The following MALT1 variants were observed in gnomAD, a reference collection of about 807,000 sequenced individuals.
MALT1 encodes mucosa-associated lymphoid tissue lymphoma translocation protein 1.
MALT1 carries 36 observed loss-of-function variants against 85.5 expected under a neutral mutation model. That is an observed-to-expected ratio of 0.42 (90% CI 0.32 to 0.56). The LOEUF is 0.56. Among genes scored for constraint, MALT1 ranks in the 20% least tolerant of loss-of-function variants. The pLI, the probability that MALT1 is intolerant of heterozygous loss-of-function variation, is 0.10. For missense variants in MALT1, 716 were observed against 981.6 expected, an observed-to-expected ratio of 0.73 and a Z score of 3.62; for synonymous variants, 359 against 361.3, an observed-to-expected ratio of 0.99 and a Z score of 0.07.
chr18:58,726,846 G>A (rs1400638277), intron 10 of MALT1, among the ~76,000 whole-genome samples: 2 of 152,268 alleles, frequency 1.3e-5, no homozygotes, highest in South Asian at 2.1e-4. Flanking sequence ...GAGTCTTGTC[G>A]GAATATGGCA....
chr18:58,683,159 T>C (rs2054347669), intron 2 of MALT1, among the ~76,000 whole-genome samples: 1 of 152,218 alleles, frequency 6.6e-6, no homozygotes, highest in Non-Finnish European at 1.5e-5. Context: ...CTAGGTTTCA[T>C]ACTGTTAAAG....
chr18:58,701,832 T>A (rs921209308), intron 4 of MALT1, among the ~76,000 whole-genome samples: 1 of 152,214 alleles, frequency 6.6e-6, no homozygotes, highest in African/African-American at 2.4e-5. Flanking sequence ...CTAACTGAAC[T>A]CCTGAAGGGA....
At chr18:58,690,172 C>T (rs753110486) in intron 2 of MALT1, among the ~76,000 whole-genome samples, 8 of 152,172 alleles carry the variant, frequency 5.3e-5, no homozygotes, top group Non-Finnish European at 1.2e-4. Flanking sequence ...TGTGTCACAC[C>T]TTGGTAACTC....
chr18:58,750,134 C>G lies in MALT1; in HGVS notation c.*2292C>G, dbSNP rs2055427325. The G allele has an allele frequency of 3.3e-5, 6 of 182,018 alleles. No individual in the cohort carries two copies. In the East Asian group the frequency reaches 5.4e-4, roughly 16 times the overall value. The allele number at this position is 182,018 out of a possible 1,614,324, so 11.3% of individuals were successfully genotyped here. A position where few individuals can be genotyped will look rare whatever the true frequency, so the allele number is the denominator to read the frequency against. On this transcript the variant is annotated 3_prime_UTR_variant, in exon 17 of 17. Transcript: ENST00000649217. ...CATAAAAAGTAATAAATGAGTTCAA[C>G]AGGTTGCAGGATACAAGATCAGTTT...
In MALT1 at chr18:58,714,096, T is replaced by C. The variant is rs752045382; in HGVS notation, c.972T>C (p.Asn324=). The change falls in exon 8 of 17, where the codon AAT becomes AAC. Residue 324 remains asparagine, a synonymous_variant. Coordinates refer to ENST00000649217, the MANE Select transcript of MALT1 (RefSeq NM_006785.4). ...AVECTEDELN[N]LGHPDNKEQT... ...ACTTTGTTTTAGATGAATTAAATAA[T>C]CTTGGTCATCCTGGTGAGTAATACA... 1.6e-6 allele frequency: 2 copies of C among 1,271,722 alleles called. No homozygotes were observed. Among genetic ancestry groups the C allele is most frequent in the East Asian group, 4.8e-5 (2 of 41,564 alleles). 78.8% of individuals were successfully genotyped at this position (1,271,722 alleles called of 1,614,324 possible). A position where few individuals can be genotyped will look rare whatever the true frequency, so the allele number is the denominator to read the frequency against.
Position 58,690,732 on chromosome 18 carries a change from G to A in MALT1, c.377-5634G>A, listed in dbSNP as rs1342078008. 9.3e-5 allele frequency: 19 copies of A among 204,030 alleles called. No individual in the cohort carries two copies. The South Asian group carries it at 1.2e-3, about 13-fold the overall frequency. 12.6% of individuals were successfully genotyped at this position (204,030 alleles called of 1,614,324 possible). ...CAGGCCTGCTATGTCTTTCACCAGC[G>A]TTGCCGCCTTCTCAGGGGTGTCAAG... On this transcript the variant is annotated intron_variant, in intron 2 of 16. Transcript: ENST00000649217.
chr18:58,752,315 T>C lies in MALT1; in HGVS notation c.*4473T>C, dbSNP rs1422419508. The C allele has an allele frequency of 2.0e-5, 3 of 152,186 alleles. No individual in the cohort carries two copies. The highest frequency in any genetic ancestry group is 2.1e-4 in the South Asian group (1 of 4,828). The allele number at this position is 152,186 out of a possible 1,614,324, so 9.4% of individuals were successfully genotyped here. On this transcript the variant is annotated 3_prime_UTR_variant, in exon 17 of 17. Coordinates refer to ENST00000649217, the MANE Select transcript of MALT1 (RefSeq NM_006785.4). ...GTAATTTTACTTTTAAGGGTTTTTT[T>C]CCAAACAGACGTCCTGACAATGTTG...
At chr18:58,686,913 A>G (rs2054413148) in intron 2 of MALT1, among the ~76,000 whole-genome samples, 1 of 152,214 alleles carries the variant, frequency 6.6e-6, no homozygotes, top group Non-Finnish European at 1.5e-5. Context: ...GAGATTTCCA[A>G]AAGTGATCAT....
At chr18:58,674,071 G>A (rs1314209268) in intron 1 of MALT1, 2 of 152,280 alleles carry the variant, frequency 1.3e-5, no homozygotes, top group East Asian at 3.9e-4. Flanking sequence ...GAGTACTCTG[G>A]TTAGGGAAGG....
rs778423123 is a variant in MALT1 at position 58,749,073 on chromosome 18, G to C, written c.*1231G>C. On this transcript the variant is annotated 3_prime_UTR_variant, in exon 17 of 17. Coordinates refer to ENST00000649217, the MANE Select transcript of MALT1 (RefSeq NM_006785.4). ...AAGGATTCTATATCATGACCAAGTGGAATTTATCCCAGGAATTCAAGGTTG... is the reference window on the plus strand; with the variant it reads ...AAGGATTCTATATCATGACCAAGTGCAATTTATCCCAGGAATTCAAGGTTG... 1.4e-4 allele frequency: 30 copies of C among 215,836 alleles called. No individual in the cohort carries two copies. The highest frequency in any genetic ancestry group is 2.6e-4 in the Non-Finnish European group (28 of 107,140). The allele number at this position is 215,836 out of a possible 1,614,324, so 13.4% of individuals were successfully genotyped here. A position where few individuals can be genotyped will look rare whatever the true frequency, so the allele number is the denominator to read the frequency against.
chr18:58,742,826 CTG>C (rs1180365391), intron 14 of MALT1, among the ~76,000 whole-genome samples: 1 of 152,212 alleles, frequency 6.6e-6, no homozygotes, highest in Non-Finnish European at 1.5e-5. Context: ...ATTCGTATAA[CTG>C]AGCATCCTCT....
chr18:58,681,053 C>T, intron 1 of MALT1, 117 bp from the exon 2 acceptor site: 1 of 740,156 alleles, frequency 1.4e-6, no homozygotes, highest in Non-Finnish European at 2.2e-6. Flanking sequence ...AATAGTTTGT[C>T]ACCACCCACC....
intron 9 of MALT1, among the ~76,000 whole-genome samples, chr18:58,717,608 TG>T (rs2054920833): frequency 6.6e-6 from 1 of 151,952 alleles, no homozygotes; most frequent in Admixed American, 6.6e-5. Context: ...AGGCTGGGTG[TG>T]GTGGTACACG....
At chr18:58,688,152 A>G (rs1029449943) in intron 2 of MALT1, among the ~76,000 whole-genome samples, 7 of 152,154 alleles carry the variant, frequency 4.6e-5, no homozygotes, top group Admixed American at 3.9e-4. Flanking sequence ...CTGTCGCACA[A>G]GGCTTTGTGG....
intron 10 of MALT1, 43 bp downstream of exon 10, chr18:58,723,294 C>G (rs1481632071): frequency 1.4e-6 from 2 of 1,435,034 alleles, no homozygotes; most frequent in African/African-American, 1.4e-5. Context: ...ATCCATTATT[C>G]TTTTCATTAT....
intron 2 of MALT1, among the ~76,000 whole-genome samples, chr18:58,682,404 A>G (rs2054335958): frequency 6.6e-6 from 1 of 152,220 alleles, no homozygotes; most frequent in Non-Finnish European, 1.5e-5. Context: ...CAAGAGAATC[A>G]AGGAACAATC....
chr18:58,744,599 T>A (rs2055343073), intron 15 of MALT1, 104 bp downstream of exon 15: 2 of 483,642 alleles, frequency 4.1e-6, no homozygotes, highest in Non-Finnish European at 6.9e-6. Context: ...GAAATATATA[T>A]ATTTATATAT....
In MALT1 at chr18:58,710,031, A is replaced by G. The variant is rs1321837187; in HGVS notation, c.884A>G (p.Asp295Gly). ...QGTYWCHVYN[D>G]RDSQDSKKVE... is the part of the protein sequence containing the mutation. ...ACCTACTGGTGTCATGTATATAATGATCGAGACAGTCAAGATAGCAAGAAG... is the reference window on the plus strand; with the variant it reads ...ACCTACTGGTGTCATGTATATAATGGTCGAGACAGTCAAGATAGCAAGAAG... Residue 295 changes from aspartate to glycine, a missense_variant, in exon 6 of 17, where the codon GAT becomes GGT. Transcript: ENST00000649217. The G allele has an allele frequency of 6.2e-7, 1 of 1,612,702 alleles. No homozygotes were observed. The highest frequency in any genetic ancestry group is 8.5e-7 in the Non-Finnish European group (1 of 1,179,172).
In MALT1 at chr18:58,734,674, T is replaced by C. The variant is rs112129908; in HGVS notation, c.1475+293T>C. ...AAATTTACCTCCTTGATATTCTGCG[T>C]AGAAAATTTTAAATGATCGACTTTA... On this transcript the variant is annotated intron_variant, in intron 12 of 16. Coordinates refer to ENST00000649217, the MANE Select transcript of MALT1 (RefSeq NM_006785.4). 243 of 282,036 alleles carry C rather than the reference T, an allele frequency of 8.6e-4. 3 individuals are homozygous for C. Among genetic ancestry groups the C allele is most frequent in the African/African-American group, 4.5e-3 (210 of 46,664 alleles). 17.5% of individuals were successfully genotyped at this position (282,036 alleles called of 1,614,324 possible). A position where few individuals can be genotyped will look rare whatever the true frequency, so the allele number is the denominator to read the frequency against.
Sources: allele counts gnomAD v4.1 joint callset (sites outside exome capture counted in the v4.1 genomes callset), GRCh38; gene constraint gnomAD v4.1.1; transcripts MANE v1.5; gene names NCBI Gene and HGNC (gene_info 2026-07-23, HGNC 2026-07-21).